DDX1: variants seen among roughly 807,000 people sequenced by gnomAD.
DDX1 encodes the protein ATP-dependent RNA helicase DDX1.
DDX1 carries 28 observed loss-of-function variants against 108.7 expected under a neutral mutation model. The observed-to-expected ratio is 0.26, with a 90% CI of 0.19 to 0.35. The LOEUF (loss-of-function observed/expected upper bound fraction) is 0.35, where lower values mean the gene tolerates loss of function less well. Ranked by LOEUF, DDX1 falls within the 10% of genes least tolerant of loss-of-function variation. DDX1 has a pLI of 1.00. For synonymous variants in DDX1, 295 were observed against 288.9 expected, an observed-to-expected ratio of 1.02 and a Z score of -0.21; for missense variants, 710 against 884.5, an observed-to-expected ratio of 0.80 and a Z score of 2.50.
At chr2:15,625,281 C>A (rs892750042) in intron 19 of DDX1, among the ~76,000 whole-genome samples, 1 of 152,060 alleles carries the variant, frequency 6.6e-6, no homozygotes, top group Admixed American at 6.5e-5. Flanking sequence ...GAAAAAATGT[C>A]AGAACAGTAG....
intron 19 of DDX1, among the ~76,000 whole-genome samples, chr2:15,625,699 T>C (rs904609768): frequency 2.0e-5 from 3 of 152,036 alleles, no homozygotes; most frequent in African/African-American, 7.2e-5. Context: ...TGGAAAAATA[T>C]AAAAAGTAAA....
At chr2:15,611,789 T>C (rs1573043823) in intron 13 of DDX1, among the ~76,000 whole-genome samples, 1 of 95,744 alleles carries the variant, frequency 1.0e-5, no homozygotes, top group Non-Finnish European at 2.0e-5. Context: ...GGCGGGGGGC[T>C]GACCCCCCCA....
chr2:15,608,346 G>A (rs1009511088), intron 13 of DDX1, among the ~76,000 whole-genome samples: 5 of 151,990 alleles, frequency 3.3e-5, no homozygotes, highest in East Asian at 1.9e-4. Context: ...CAGCCAACAC[G>A]GTGAAACCCC....
Position 15,605,430 on chromosome 2 carries a change from T to G in DDX1, c.626-520T>G, listed in dbSNP as rs116589125. Among the ~76,000 whole-genome samples the G allele has an allele frequency of 1.8e-3, 275 of 152,226 alleles. 1 individual carries two copies. The highest frequency in any genetic ancestry group is 4.4e-3 in the Admixed American group (67 of 15,290). On this transcript the variant is annotated intron_variant, in intron 10 of 25. Coordinates refer to ENST00000233084, the MANE Select transcript of DDX1 (RefSeq NM_004939.3). ...AGCAATCACTGTTCAGTGCTGCGGA[T>G]GGGTCTAGTCTAGCAAGATGAAGAA...
At chr2:15,629,723 A>G (rs560301474) in intron 24 of DDX1, 26 bp downstream of exon 24, 1 of 1,474,890 alleles carries the variant, frequency 6.8e-7, no homozygotes, top group Non-Finnish European at 9.1e-7. Context: ...AGGCTCACAA[A>G]TAATGTATTA....
At chr2:15,611,290 A>G (rs1665748956) in intron 13 of DDX1, among the ~76,000 whole-genome samples, 2 of 150,518 alleles carry the variant, frequency 1.3e-5, no homozygotes, top group Admixed American at 6.6e-5. Context: ...ACCTCCTACT[A>G]CACAAACACG....
At chr2:15,619,371 G>A (rs1163711567) in intron 16 of DDX1, among the ~76,000 whole-genome samples, 2 of 152,148 alleles carry the variant, frequency 1.3e-5, no homozygotes, top group South Asian at 2.1e-4. Context: ...GCCTGGGAGC[G>A]GGTCCTGCCC....
intron 6 of DDX1, among the ~76,000 whole-genome samples, chr2:15,601,897 A>G (rs191559977): frequency 5.7e-4 from 87 of 152,298 alleles, no homozygotes; most frequent in African/African-American, 2.0e-3. Context: ...AAAACCATTT[A>G]GTATGTGGAC....
intron 6 of DDX1, among the ~76,000 whole-genome samples, chr2:15,600,633 A>G (rs1278317102): frequency 8.5e-5 from 13 of 152,052 alleles, no homozygotes; most frequent in Admixed American, 8.5e-4. Flanking sequence ...CTGAAATCTG[A>G]ATGTAGTCTC....
chr2:15,600,827 C>CT (rs951565024), intron 6 of DDX1, among the ~76,000 whole-genome samples: 2 of 133,684 alleles, frequency 1.5e-5, no homozygotes, highest in African/African-American at 5.7e-5. Flanking sequence ...CAGCTCACTG[C>CT]AAGCTCCACC....
intron 7 of DDX1, among the ~76,000 whole-genome samples, chr2:15,602,919 G>T (rs1558452355): frequency 6.6e-6 from 1 of 152,154 alleles, no homozygotes; most frequent in Non-Finnish European, 1.5e-5. Flanking sequence ...CACCATGTTG[G>T]CCAGGCTGGT....
At chr2:15,621,922 G>A (rs1666017591) in intron 18 of DDX1, among the ~76,000 whole-genome samples, 1 of 152,162 alleles carries the variant, frequency 6.6e-6, no homozygotes, top group African/African-American at 2.4e-5. Flanking sequence ...ACAAAGTGCT[G>A]GGATTATAGG....
intron 20 of DDX1, among the ~76,000 whole-genome samples, 161 bp from the exon 21 acceptor site, chr2:15,628,284 A>G (rs1666131991): frequency 6.6e-6 from 1 of 152,220 alleles, no homozygotes; most frequent in Non-Finnish European, 1.5e-5. Flanking sequence ...CATGACATAA[A>G]ACTTCAAGAC....
Position 15,595,477 on chromosome 2 carries a change from A to G in DDX1, c.69-13A>G, listed in dbSNP as rs765507276. On this transcript the variant is annotated splice_polypyrimidine_tract_variant and intron_variant, in intron 2 of 25. Coordinates refer to ENST00000233084, the MANE Select transcript of DDX1 (RefSeq NM_004939.3). ...CCCCAGTAACTAAAATTCTTCAAATATGATTCTTTTAGCCTCCCAACTGAT... is the reference window on the plus strand; with the variant it reads ...CCCCAGTAACTAAAATTCTTCAAATGTGATTCTTTTAGCCTCCCAACTGAT... 3.1e-6 allele frequency: 5 copies of G among 1,603,620 alleles called. No individual in the cohort carries two copies.
At chr2:15,598,025 C>T (rs1165936017) in intron 5 of DDX1, among the ~76,000 whole-genome samples, 8 of 151,952 alleles carry the variant, frequency 5.3e-5, no homozygotes, top group East Asian at 3.8e-4. Context: ...TCAATCTTAC[C>T]GCAGTTTCTT....
At chr2:15,626,552 C>T (rs1666103326) in intron 19 of DDX1, among the ~76,000 whole-genome samples, 1 of 152,128 alleles carries the variant, frequency 6.6e-6, no homozygotes, top group South Asian at 2.1e-4. Context: ...TAACACCTCT[C>T]CATCTTTACA....
At chr2:15,625,253 C>T (rs1194585666) in intron 19 of DDX1, among the ~76,000 whole-genome samples, 1 of 150,412 alleles carries the variant, frequency 6.6e-6, no homozygotes, top group African/African-American at 2.5e-5. Flanking sequence ...TTTAAAAAGT[C>T]AGAACTAATC....
At chr2:15,613,036 G>GA (rs1558455974) in intron 13 of DDX1, among the ~76,000 whole-genome samples, 188 bp from the exon 14 acceptor site, 1 of 151,962 alleles carries the variant, frequency 6.6e-6, no homozygotes, top group Non-Finnish European at 1.5e-5. Flanking sequence ...GAGGGAGAGG[G>GA]GGAGGGGGAG....
At position 15,617,311 on chromosome 2, in the gene DDX1, C is replaced by G; in HGVS notation, c.1085C>G (p.Ser362Cys). 2 of 1,596,314 alleles carry G rather than the reference C, an allele frequency of 1.3e-6. No individual in the cohort carries two copies. Among genetic ancestry groups the G allele is most frequent in the Non-Finnish European group, 1.7e-6 (2 of 1,169,278 alleles). Reference sequence around the variant, plus strand: ...GTGTCAACTGGAAAGCTGAACTTATCTCAAGTTAGATTCCTGGTCCTGGAT... The same window carrying G: ...GTGTCAACTGGAAAGCTGAACTTATGTCAAGTTAGATTCCTGGTCCTGGAT... ...DLVSTGKLNLSQVRFLVLDEA... is the reference protein window; with the variant it reads ...DLVSTGKLNLCQVRFLVLDEA... Residue 362 changes from serine to cysteine, a missense_variant, in exon 15 of 26, where the codon TCT (serine) becomes TGT (cysteine). Ser to Cys is a moderately radical substitution (Grantham distance 112). This residue lies in a region of DDX1 where 661 missense variants were observed against 810.2 expected (regional missense o/e 0.82). Coordinates refer to ENST00000233084, the MANE Select transcript of DDX1 (RefSeq NM_004939.3).
Sources: allele counts gnomAD v4.1 joint callset (sites outside exome capture counted in the v4.1 genomes callset), GRCh38; gene constraint gnomAD v4.1.1; regional missense constraint gnomAD v4.1.1; transcripts MANE v1.5; gene names NCBI Gene and HGNC (gene_info 2026-07-23, HGNC 2026-07-21).